Variants in OAT observed in about 807,000 individuals in gnomAD.
The protein encoded by OAT is ornithine aminotransferase, mitochondrial.
In OAT, 35 loss-of-function variants were observed where a neutral mutation model predicts 48.4. The ratio of observed to expected loss-of-function variants is 0.72; its 90% CI spans 0.55 to 0.96. OAT has a LOEUF of 0.96. Ranked by LOEUF, OAT falls within the 40% of genes least tolerant of loss-of-function variation. OAT has a pLI of 0.00. For synonymous variants in OAT, 182 were observed against 198.4 expected (o/e 0.92, Z 0.70); for missense variants, 438 against 537.9 (o/e 0.81, Z 1.84).
intron 1 of OAT, among the ~76,000 whole-genome samples, chr10:124,413,888 GC>G (rs1396913995): frequency 6.6e-6 from 1 of 151,732 alleles, no homozygotes; most frequent in African/African-American, 2.4e-5. Context: ...CCTAAAACTA[GC>G]CCCTCCACAA....
chr10:124,407,999 A>G (rs967307194), intron 4 of OAT, among the ~76,000 whole-genome samples: 1 of 151,910 alleles, frequency 6.6e-6, no homozygotes, highest in African/African-American at 2.4e-5. Context: ...ACTTCACCCA[A>G]CCCCAGCACC....
chr10:124,405,608 A>G, intron 4 of OAT, 45 bp from the exon 5 acceptor site: 1 of 1,609,304 alleles, frequency 6.2e-7, no homozygotes, highest in Non-Finnish European at 8.5e-7. Flanking sequence ...GAAACCCAAA[A>G]TTCAATAAGC....
intron 7 of OAT, 120 bp from the exon 8 acceptor site, chr10:124,401,959 G>C: frequency 1.3e-6 from 1 of 742,650 alleles, no homozygotes; most frequent in Non-Finnish European, 2.4e-6. Flanking sequence ...TCAGCTCACT[G>C]CAATCTCTGC....
At chr10:124,408,428 C>T in intron 4 of OAT, 114 bp downstream of exon 4, 2 of 854,284 alleles carry the variant, frequency 2.3e-6, no homozygotes, top group Non-Finnish European at 3.8e-6. Flanking sequence ...TCAAAGACTC[C>T]TCCTGCCTTG....
chr10:124,416,066 A>G (rs995621285), intron 1 of OAT, among the ~76,000 whole-genome samples: 4 of 152,178 alleles, frequency 2.6e-5, no homozygotes, highest in Admixed American at 6.5e-5. Context: ...ATTAGCATCC[A>G]TATTAGCTTT....
At chr10:124,415,074 T>A (rs574178163) in intron 1 of OAT, 14 of 16,854 alleles carry the variant, frequency 8.3e-4, no homozygotes, top group Non-Finnish European at 1.2e-3. Flanking sequence ...TACAAAGCGC[T>A]AAAAAAAAAA....
rs2674335 is a variant in OAT at position 124,400,706 on chromosome 10, C to T, written c.1159+134G>A. 38,482 of 642,496 alleles carry T rather than the reference C, an allele frequency of 0.06. 1,424 individuals are homozygous for T. Among genetic ancestry groups the T allele is most frequent in the African/African-American group, 0.13 (7,113 of 54,830 alleles). The allele number at this position is 642,496 out of a possible 1,614,324, so 39.8% of individuals were successfully genotyped here. On this transcript the variant is annotated intron_variant, in intron 9 of 9. Coordinates refer to ENST00000368845, the MANE Select transcript of OAT (RefSeq NM_000274.4). The stretch of plus-strand genomic sequence containing the variant: ...GGCAGAGTGCAGTGAGCCAAGATTG[C>T]GCCACGGCACTGCAGCCTAGGAGAC...
In OAT at chr10:124,398,105, A is replaced by G. The variant is rs755848012; in HGVS notation, c.1160-3T>C. The G allele has an allele frequency of 6.2e-7, 1 of 1,614,050 alleles. No homozygotes were observed. Among genetic ancestry groups the G allele is most frequent in the Non-Finnish European group, 8.5e-7 (1 of 1,179,988 alleles). On this transcript the variant is annotated splice_polypyrimidine_tract_variant and splice_region_variant and intron_variant, in intron 9 of 9. Coordinates refer to ENST00000368845, the MANE Select transcript of OAT (RefSeq NM_000274.4). The stretch of plus-strand genomic sequence containing the variant: ...ACACACCTTCCAAGCATCCCAATCT[A>G]AAGAAAAATAGTAAAACGTACATGC...
chr10:124,415,074 TAAAAAAAAAAAAAAAA>T lies in OAT; in HGVS notation c.-29-2890_-29-2875del, dbSNP rs75952005. 3.7e-3 allele frequency: 63 copies of T among 16,854 alleles called. 4 individuals carry two copies. In the East Asian group the frequency reaches 0.051, roughly 14 times the overall value. 1.0% of individuals were successfully genotyped at this position (16,854 alleles called of 1,614,324 possible). ...CACTCCAGCCTGGGCTACAAAGCGC[TAAAAAAAAAAAAAAAA>T]AAAAAAAAAAAAAAAAAAAAAGGAA... On this transcript the variant is annotated intron_variant, in intron 1 of 9. Coordinates refer to ENST00000368845, the MANE Select transcript of OAT (RefSeq NM_000274.4).
At chr10:124,400,446 TAAAAA>T (rs56370450) in intron 9 of OAT, among the ~76,000 whole-genome samples, 2 of 103,846 alleles carry the variant, frequency 1.9e-5, no homozygotes, top group Non-Finnish European at 3.9e-5. Context: ...GACTCCATCT[TAAAAA>T]AAAAAAAAAA....
In OAT at chr10:124,405,586, G is replaced by T. The variant is rs767272991; in HGVS notation, c.521-23C>A. The T allele has an allele frequency of 6.8e-6, 11 of 1,612,606 alleles. No individual in the cohort carries two copies. In the South Asian group the frequency reaches 1.1e-4, roughly 16 times the overall value. On this transcript the variant is annotated intron_variant, in intron 4 of 9. Transcript: ENST00000368845. ...CAGCTACAAAGGGGAAACAAACAGTGATTATTTCAAAGAAACCCAAAATTC... is the reference window on the plus strand; with the variant it reads ...CAGCTACAAAGGGGAAACAAACAGTTATTATTTCAAAGAAACCCAAAATTC...
intron 4 of OAT, chr10:124,406,167 A>G (rs1398559903): frequency 1.1e-6 from 1 of 952,116 alleles, no homozygotes; most frequent in East Asian, 1.2e-4. Context: ...AAGGTGACTG[A>G]GGATCTACTA....
intron 9 of OAT, among the ~76,000 whole-genome samples, chr10:124,398,467 A>G (rs1951301058): frequency 6.6e-6 from 1 of 151,770 alleles, no homozygotes; most frequent in Non-Finnish European, 1.5e-5. Flanking sequence ...AGATCGCGCC[A>G]CTGCACTCCA....
Position 124,398,138 on chromosome 10 carries a change from T to C in OAT, c.1160-36A>G, listed in dbSNP as rs186875862. The C allele has an allele frequency of 3.1e-6, 5 of 1,610,676 alleles. No homozygotes were observed. In the Admixed American group the frequency reaches 6.7e-5, roughly 21 times the overall value. ...ATAGTAAAACGTACATGCTCAAAGA[T>C]AAACGTTTAAACATCCCTTGCCGTA... On this transcript the variant is annotated intron_variant, in intron 9 of 9. Coordinates refer to ENST00000368845, the MANE Select transcript of OAT (RefSeq NM_000274.4).
At chr10:124,411,149 AAAAAAAAAAAAAAAAG>A (rs1564738792) in intron 2 of OAT, among the ~76,000 whole-genome samples, 2 of 145,356 alleles carry the variant, frequency 1.4e-5, no homozygotes, top group Admixed American at 6.9e-5. Flanking sequence ...CAAAAAAAAA[AAAAAAAAAAAAAAAAG>A]AAGAAGAGAT....
chr10:124,401,071 A>G lies in OAT; in HGVS notation c.1015-87T>C, dbSNP rs1589697896. On this transcript the variant is annotated intron_variant, in intron 8 of 9. Transcript: ENST00000368845. ...AACGGGGACTGTAAACACAGGAAAAACATGACTAGATAAAATACCAGAGGA... is the reference window on the plus strand; with the variant it reads ...AACGGGGACTGTAAACACAGGAAAAGCATGACTAGATAAAATACCAGAGGA... 18 of 889,144 alleles carry G rather than the reference A, an allele frequency of 2.0e-5. No individual in the cohort carries two copies. In the East Asian group the frequency reaches 4.5e-4, roughly 22 times the overall value. 55.1% of individuals were successfully genotyped at this position (889,144 alleles called of 1,614,324 possible).
chr10:124,413,052 G>A (rs1158186733), intron 1 of OAT, among the ~76,000 whole-genome samples: 4 of 151,980 alleles, frequency 2.6e-5, no homozygotes, highest in East Asian at 3.9e-4. Flanking sequence ...CGCCCACCAC[G>A]GCCTCCCAAA....
intron 4 of OAT, chr10:124,406,968 C>T (rs1299280020): frequency 1.0e-6 from 1 of 985,268 alleles, no homozygotes; most frequent in Non-Finnish European, 1.2e-6. Flanking sequence ...AGGAAAGACA[C>T]CATGTAAAAT....
At chr10:124,414,063 C>G (rs1174970080) in intron 1 of OAT, 1 of 151,018 alleles carries the variant, frequency 6.6e-6, no homozygotes, top group East Asian at 1.9e-4. Flanking sequence ...AAGATAAATT[C>G]ATGATTAGGA....
Sources: allele counts gnomAD v4.1 joint callset (sites outside exome capture counted in the v4.1 genomes callset), GRCh38; gene constraint gnomAD v4.1.1; transcripts MANE v1.5; gene names NCBI Gene and HGNC (gene_info 2026-07-23, HGNC 2026-07-21).